Variants in MYH7B observed in about 807,000 individuals in gnomAD.
The protein encoded by MYH7B is myosin heavy chain 7B, also known as myosin-7B.
A neutral mutation model predicts 234.5 loss-of-function variants in MYH7B; 205 were observed. The ratio of observed to expected loss-of-function variants is 0.87; its 90% CI spans 0.78 to 0.98. The LOEUF is 0.98. MYH7B is among the 50% of genes least tolerant of loss of function. MYH7B has a pLI of 0.00. For synonymous variants in MYH7B, 1,193 were observed against 1,105.0 expected (o/e 1.08, Z -1.58); for missense variants, 2,652 against 2,633.4 (o/e 1.01, Z -0.15).
Position 35,002,168 on chromosome 20 carries a change from T to C in MYH7B, c.5815-9T>C. On this transcript the variant is annotated splice_polypyrimidine_tract_variant and intron_variant, in intron 44 of 44. Coordinates refer to ENST00000262873, the Ensembl canonical transcript of MYH7B. Reference sequence around the variant, plus strand: ...AGTACTGCTCACTCAGCTATCCCTTTCTCCTCAGCACAAGGAGTGACGGCC... The same window carrying C: ...AGTACTGCTCACTCAGCTATCCCTTCCTCCTCAGCACAAGGAGTGACGGCC... The C allele has an allele frequency of 6.4e-7, 1 of 1,574,584 alleles. No individual in the cohort carries two copies. The highest frequency in any genetic ancestry group is 8.6e-7 in the Non-Finnish European group (1 of 1,162,466).
chr20:34,994,427 G>A (rs761673026), intron 27 of MYH7B, 26 bp downstream of exon 27: 22 of 1,544,398 alleles, frequency 1.4e-5, no homozygotes, highest in Non-Finnish European at 1.8e-5. Flanking sequence ...CCTTGTGACC[G>A]GGCGTCCCCA....
chr20:34,967,200 G>A (rs969323593), intron 2 of MYH7B, among the ~76,000 whole-genome samples: 2 of 151,946 alleles, frequency 1.3e-5, no homozygotes, highest in African/African-American at 2.4e-5. Context: ...CTGTACTCCA[G>A]GCTGGGAAAC....
exon 20 of MYH7B, chr20:34,989,871 G>C: frequency 6.2e-7 from 1 of 1,614,184 alleles, no homozygotes; most frequent in Middle Eastern, 1.6e-4. Flanking sequence ...GGCCTGACAA[G>C]AAGCGCAAGT....
At chr20:34,968,817 G>C (rs559595417) in intron 2 of MYH7B, among the ~76,000 whole-genome samples, 1 of 152,170 alleles carries the variant, frequency 6.6e-6, no homozygotes, top group Non-Finnish European at 1.5e-5. Context: ...CGCACGTAGC[G>C]TAGAGGATGG....
At chr20:34,963,650 GCC>G (rs1331251427) in intron 2 of MYH7B, among the ~76,000 whole-genome samples, 1 of 152,074 alleles carries the variant, frequency 6.6e-6, no homozygotes, top group African/African-American at 2.4e-5. Flanking sequence ...CGAAACCATT[GCC>G]TAATTCGAAG....
chr20:34,999,186 C>T (rs372301344), exon 36 of MYH7B: 26 of 1,612,902 alleles, frequency 1.6e-5, no homozygotes, highest in East Asian at 4.5e-5. Context: ...GGAGCTGGAG[C>T]GGGCGACCTC....
At position 35,000,898 on chromosome 20, in the gene MYH7B, G is replaced by A. The variant is rs1239503209; in HGVS notation, c.5304+5G>A. On this transcript the variant is annotated splice_donor_5th_base_variant and intron_variant, in intron 40 of 44. Transcript: ENST00000262873. ...GCCAAAAAGGCCATCACTGATGTGA[G>A]GCTGGGCAAGGGCTGTGGGGAGCCT... is the stretch of plus-strand genomic sequence containing the variant. The A allele has an allele frequency of 1.9e-6, 2 of 1,064,510 alleles. No individual in the cohort carries two copies. Among genetic ancestry groups the A allele is most frequent in the East Asian group, 5.8e-5 (2 of 34,742 alleles). The allele number at this position is 1,064,510 out of a possible 1,614,324, so 65.9% of individuals were successfully genotyped here.
chr20:34,958,856 T>G (rs2081665962), intron 2 of MYH7B, among the ~76,000 whole-genome samples: 1 of 152,204 alleles, frequency 6.6e-6, no homozygotes, highest in South Asian at 2.1e-4. Flanking sequence ...CCCATGAAAA[T>G]GGGCCATGTC....
In MYH7B at chr20:34,990,317, C is replaced by A. The variant is rs2147207182; in HGVS notation, c.1977+7C>A. Reference sequence around the variant, plus strand: ...GGTGTCCCAGCTGCACAAGGTAAGGCCCCATCTGGGAGACAGACCCTCCCT... The same window carrying A: ...GGTGTCCCAGCTGCACAAGGTAAGGACCCATCTGGGAGACAGACCCTCCCT... On this transcript the variant is annotated splice_region_variant and intron_variant, in intron 22 of 44. Coordinates refer to ENST00000262873, the Ensembl canonical transcript of MYH7B. The A allele has an allele frequency of 6.2e-7, 1 of 1,614,130 alleles. No individual in the cohort carries two copies. Among genetic ancestry groups the A allele is most frequent in the East Asian group, 2.2e-5 (1 of 44,880 alleles).
chr20:34,969,066 G>A (rs1000668533), intron 2 of MYH7B, among the ~76,000 whole-genome samples: 2 of 152,176 alleles, frequency 1.3e-5, no homozygotes, highest in Non-Finnish European at 2.9e-5. Context: ...TGGAAGCTGG[G>A]AAGCCTGCCT....
chr20:35,001,890 G>C, intron 43 of MYH7B, 58 bp from the exon 44 acceptor site: 1 of 1,574,598 alleles, frequency 6.4e-7, no homozygotes, highest in South Asian at 1.2e-5. Flanking sequence ...CTGGGGCAGG[G>C]ACCAGAATAA....
intron 5 of MYH7B, among the ~76,000 whole-genome samples, chr20:34,978,324 T>TGG (rs1384380497): frequency 6.6e-6 from 1 of 152,042 alleles, no homozygotes; most frequent in Non-Finnish European, 1.5e-5. Flanking sequence ...CCCTGTGAAA[T>TGG]GGGATAATAG....
intron 2 of MYH7B, among the ~76,000 whole-genome samples, chr20:34,961,063 A>G (rs2081692746): frequency 6.6e-6 from 1 of 152,216 alleles, no homozygotes; most frequent in African/African-American, 2.4e-5. Context: ...TCAAGGCTCC[A>G]GGGATCCTCA....
chr20:34,997,072 G>A lies in MYH7B; in HGVS notation c.3267-11G>A. 2.6e-6 allele frequency: 4 copies of A among 1,548,116 alleles called. No homozygotes were observed. Among genetic ancestry groups the A allele is most frequent in the Non-Finnish European group, 3.5e-6 (4 of 1,146,628 alleles). The stretch of plus-strand genomic sequence containing the variant: ...AAGGCCTGTGCTGGCCACCCACTCT[G>A]TGGCTCCCAGGAAGGACTCCGAGCT... On this transcript the variant is annotated splice_polypyrimidine_tract_variant and intron_variant, in intron 30 of 44. Transcript: ENST00000262873.
Position 34,986,965 on chromosome 20 carries a change from T to C in MYH7B, c.984T>C (p.Asp328=), listed in dbSNP as rs376040367. The C allele has an allele frequency of 5.3e-5, 85 of 1,613,790 alleles. No individual in the cohort carries two copies. The Middle Eastern group carries it at 3.0e-3, about 56-fold the overall frequency. Residue 328 remains aspartate, a synonymous_variant, in exon 15 of 45, where the codon GAT becomes GAC. Coordinates refer to ENST00000262873, the Ensembl canonical transcript of MYH7B. Reference sequence around the variant, plus strand: ...TCATCACCGTGGACAACATGAATGATGGGGAGGAGCTCATCGCCACCGACG... The same window carrying C: ...TCATCACCGTGGACAACATGAATGACGGGGAGGAGCTCATCGCCACCGACG...
At chr20:34,966,304 A>G (rs1186717653) in intron 2 of MYH7B, among the ~76,000 whole-genome samples, 1 of 152,254 alleles carries the variant, frequency 6.6e-6, no homozygotes, top group Non-Finnish European at 1.5e-5. Flanking sequence ...CCACTCAGCA[A>G]TAAAGACACA....
At chr20:35,000,517 G>A (rs948284048) in exon 39 of MYH7B, 9 of 1,595,166 alleles carry the variant, frequency 5.6e-6, no homozygotes, top group Admixed American at 5.1e-5. Flanking sequence ...GAGGAGCAGC[G>A]GCTGGCAGCT....
chr20:35,000,246 A>G, intron 38 of MYH7B, 47 bp from the exon 39 acceptor site: 2 of 1,513,002 alleles, frequency 1.3e-6, no homozygotes, highest in Non-Finnish European at 1.8e-6. Context: ...TTGTAAGGAC[A>G]GGTATGCCCT....
chr20:34,977,785 G>A, intron 4 of MYH7B, 105 bp downstream of exon 4: 12 of 1,507,686 alleles, frequency 8.0e-6, no homozygotes, highest in Non-Finnish European at 1.1e-5. Flanking sequence ...CTGGAGTGGA[G>A]GAAGCCCTGG....
Sources: allele counts gnomAD v4.1 joint callset (sites outside exome capture counted in the v4.1 genomes callset), GRCh38; gene constraint gnomAD v4.1.1; transcripts MANE v1.5; gene names NCBI Gene and HGNC (gene_info 2026-07-23, HGNC 2026-07-21).